Variants in AOPEP observed in about 807,000 individuals in gnomAD.
The protein encoded by AOPEP is aminopeptidase O.
AOPEP carries 77 observed loss-of-function variants against 98.1 expected under a neutral mutation model. That is an observed-to-expected ratio of 0.78 (90% confidence interval 0.65 to 0.95). The LOEUF is 0.95. AOPEP is among the 40% of genes least tolerant of loss of function. The pLI is 0.00. For missense variants in AOPEP, 1,024 were observed against 1,024.7 expected, an observed-to-expected ratio of 1.00 and a Z score of 0.01; for synonymous variants, 346 against 365.3, an observed-to-expected ratio of 0.95 and a Z score of 0.60.
chr9:94,900,150 C>T (rs922495306), intron 5 of AOPEP, among the ~76,000 whole-genome samples: 14 of 152,304 alleles, frequency 9.2e-5, no homozygotes, highest in Admixed American at 3.3e-4. Context: ...TGCTGGCCGC[C>T]GCCAACTAGC....
At chr9:94,859,468 T>C (rs1325333338) in intron 5 of AOPEP, among the ~76,000 whole-genome samples, 1 of 152,204 alleles carries the variant, frequency 6.6e-6, no homozygotes, top group East Asian at 1.9e-4. Context: ...TCTAGGATAA[T>C]CTGACTAACT....
chr9:95,132,081 C>T, the AOPEP span, among the ~76,000 whole-genome samples: 543 of 152,290 alleles, frequency 3.6e-3, 4 homozygotes, highest in East Asian at 0.018. Context: ...GCCTCCTGGG[C>T]GCCTCCTCTG....
the AOPEP span, among the ~76,000 whole-genome samples, chr9:95,106,535 T>C: frequency 5.3e-5 from 8 of 152,254 alleles, no homozygotes; most frequent in African/African-American, 1.9e-4. Flanking sequence ...AAGAAATCAT[T>C]GCCAAATCTA....
chr9:94,758,142 A>G (rs1837474113), intron 1 of AOPEP, among the ~76,000 whole-genome samples: 1 of 152,208 alleles, frequency 6.6e-6, no homozygotes, highest in South Asian at 2.1e-4. Context: ...TTAAACTGGG[A>G]CATGGAGGAA....
chr9:94,798,656 A>G (rs1847563712), intron 4 of AOPEP, among the ~76,000 whole-genome samples: 1 of 152,198 alleles, frequency 6.6e-6, no homozygotes, highest in Non-Finnish European at 1.5e-5. Context: ...AGATGCCTGC[A>G]CACTCCAGTT....
At chr9:95,038,173 C>T (rs1183288628) in intron 13 of AOPEP, among the ~76,000 whole-genome samples, 1 of 151,788 alleles carries the variant, frequency 6.6e-6, no homozygotes, top group Non-Finnish European at 1.5e-5. Context: ...AGGTGAAAAA[C>T]AAAAAACACT....
intron 5 of AOPEP, among the ~76,000 whole-genome samples, chr9:94,810,500 A>AGAT (rs1850303013): frequency 1.3e-5 from 2 of 152,050 alleles, no homozygotes; most frequent in South Asian, 4.2e-4. Flanking sequence ...TTTTTAATAG[A>AGAT]GATGAGGTTT....
intron 3 of AOPEP, among the ~76,000 whole-genome samples, chr9:94,785,281 A>G (rs1844173966): frequency 1.3e-5 from 2 of 152,346 alleles, no homozygotes; most frequent in African/African-American, 4.8e-5. Flanking sequence ...AAATTGATCC[A>G]TTTCAAGTTC....
intron 13 of AOPEP, among the ~76,000 whole-genome samples, chr9:95,028,877 G>A (rs533267446): frequency 1.3e-5 from 2 of 152,172 alleles, no homozygotes; most frequent in Non-Finnish European, 2.9e-5. Flanking sequence ...GCCCAATTGT[G>A]TATATTATTT....
At chr9:95,123,807 C>T in the AOPEP span, 9 of 691,612 alleles carry the variant, frequency 1.3e-5, no homozygotes, top group South Asian at 9.5e-5. Context: ...AAGGACTGAA[C>T]ACCCCTACTC....
chr9:94,829,488 A>G (rs1366901929), intron 5 of AOPEP, among the ~76,000 whole-genome samples: 2 of 152,254 alleles, frequency 1.3e-5, no homozygotes, highest in Non-Finnish European at 2.9e-5. Context: ...CTCTGGAAAG[A>G]GAAGTAAGAA....
At position 94,849,751 on chromosome 9, in the gene AOPEP, C is replaced by T. The variant is rs79365083; in HGVS notation, c.1364+48749C>T. Among the ~76,000 whole-genome samples the T allele has an allele frequency of 6.4e-3, 968 of 152,100 alleles. 5 individuals carry two copies. Among genetic ancestry groups the T allele is most frequent in the African/African-American group, 0.022 (934 of 41,514 alleles). ...TTGTGCTCCTGTGAGAATTTAATGCCAGGCGGAGCGCAGTGGCTCACGCTT... is the reference window on the plus strand; with the variant it reads ...TTGTGCTCCTGTGAGAATTTAATGCTAGGCGGAGCGCAGTGGCTCACGCTT... On this transcript the variant is annotated intron_variant, in intron 5 of 16. Transcript: ENST00000375315.
At chr9:95,101,543 T>C in the AOPEP span, 1 of 850,092 alleles carries the variant, frequency 1.2e-6, no homozygotes, top group Non-Finnish European at 1.9e-6. Context: ...CTCTGCATTT[T>C]GTAAAATAGA....
chr9:95,089,599 G>A (rs1050035043), downstream of AOPEP, among the ~76,000 whole-genome samples: 10 of 152,342 alleles, frequency 6.6e-5, no homozygotes, highest in South Asian at 2.1e-3. Flanking sequence ...CACTCCTGGG[G>A]ATACTGTCTT....
intron 13 of AOPEP, among the ~76,000 whole-genome samples, chr9:95,021,315 T>G (rs148114300): frequency 9.5e-4 from 144 of 152,212 alleles, no homozygotes; most frequent in African/African-American, 3.3e-3. Flanking sequence ...GATACTGAAG[T>G]GGGCAGGTGG....
chr9:95,099,851 C>T, the AOPEP span: 13 of 233,120 alleles, frequency 5.6e-5, no homozygotes, highest in African/African-American at 2.6e-4. Flanking sequence ...AGATGCCTAG[C>T]TTCACCAGTC....
Position 94,953,577 on chromosome 9 carries a change from G to A in AOPEP, c.1662-1600G>A, listed in dbSNP as rs547265123. Among the ~76,000 whole-genome samples the A allele has an allele frequency of 7.9e-5, 12 of 152,268 alleles. No individual in the cohort carries two copies. The East Asian group carries it at 2.3e-3, about 29-fold the overall frequency. ...ATTCTCTGCAGGATCAGGGAAGGTG[G>A]GTAGGATTATTCCCATTTTACAAGT... On this transcript the variant is annotated intron_variant, in intron 7 of 16. Transcript: ENST00000375315.
At chr9:95,146,569 A>C in the AOPEP span, among the ~76,000 whole-genome samples, 16 of 152,190 alleles carry the variant, frequency 1.1e-4, no homozygotes, top group African/African-American at 3.6e-4. Flanking sequence ...TTCTTAACAA[A>C]ATGTCAAGTT....
intron 5 of AOPEP, among the ~76,000 whole-genome samples, chr9:94,891,525 A>G (rs976531065): frequency 6.6e-6 from 1 of 151,946 alleles, no homozygotes; most frequent in Admixed American, 6.6e-5. Flanking sequence ...ATTGCATTTT[A>G]CAGATTTTTT....
Sources: allele counts gnomAD v4.1 joint callset (sites outside exome capture counted in the v4.1 genomes callset), GRCh38; gene constraint gnomAD v4.1.1; transcripts MANE v1.5; gene names NCBI Gene and HGNC (gene_info 2026-07-23, HGNC 2026-07-21).